NRG1: variants seen among roughly 807,000 people sequenced by gnomAD.
The protein encoded by NRG1 is neuregulin 1.
Under a neutral mutation model 63.8 loss-of-function variants are expected in NRG1, and 18 were observed. The observed-to-expected ratio is 0.28, with a 90% CI of 0.19 to 0.42. The LOEUF (loss-of-function observed/expected upper bound fraction) is 0.42. NRG1 is among the 10% of genes least tolerant of loss of function. The pLI is 1.00. For missense variants in NRG1, 762 were observed against 814.7 expected, an observed-to-expected ratio of 0.94 and a Z score of 0.79; for synonymous variants, 302 against 301.3, an observed-to-expected ratio of 1.00 and a Z score of -0.02.
chr8:31,870,822 A>C (rs1829416080), intron 1 of NRG1, among the ~76,000 whole-genome samples: 1 of 152,100 alleles, frequency 6.6e-6, no homozygotes. Flanking sequence ...TTTCGAATGC[A>C]CCTCATGTGC....
intron 1 of NRG1, among the ~76,000 whole-genome samples, chr8:32,215,814 A>G (rs1360959250): frequency 1.3e-5 from 2 of 152,090 alleles, no homozygotes; most frequent in South Asian, 2.1e-4. Flanking sequence ...GACCAAGGCA[A>G]GAGGATAACT....
chr8:31,806,227 G>A (rs1201489112), intron 1 of NRG1, among the ~76,000 whole-genome samples: 1 of 152,190 alleles, frequency 6.6e-6, no homozygotes, highest in Non-Finnish European at 1.5e-5. Context: ...TAATTGTTCA[G>A]CATCCTAAGT....
intron 1 of NRG1, among the ~76,000 whole-genome samples, chr8:32,122,170 T>G (rs1247988396): frequency 6.6e-6 from 1 of 151,974 alleles, no homozygotes; most frequent in African/African-American, 2.4e-5. Context: ...TTTTCTTAAT[T>G]TCACAAAAAC....
intron 1 of NRG1, among the ~76,000 whole-genome samples, chr8:32,513,244 G>A (rs368372961): frequency 8.0e-5 from 12 of 149,908 alleles, no homozygotes; most frequent in African/African-American, 4.9e-5. Flanking sequence ...CTTTTTAGTC[G>A]TTCTTTTTTA....
intron 1 of NRG1, among the ~76,000 whole-genome samples, chr8:32,343,324 AT>A (rs1294665227): frequency 6.6e-6 from 1 of 152,202 alleles, no homozygotes; most frequent in East Asian, 1.9e-4. Flanking sequence ...CTAGAGAATA[AT>A]ATCATATTTA....
intron 1 of NRG1, among the ~76,000 whole-genome samples, chr8:31,718,779 TC>T (rs1812615476): frequency 6.6e-6 from 1 of 152,164 alleles, no homozygotes; most frequent in Non-Finnish European, 1.5e-5. Context: ...CACAAATATC[TC>T]TAATAAGGAA....
At chr8:31,776,019 T>C (rs974345373) in intron 1 of NRG1, among the ~76,000 whole-genome samples, 1 of 152,174 alleles carries the variant, frequency 6.6e-6, no homozygotes, top group Admixed American at 6.5e-5. Flanking sequence ...TTCTTCATAG[T>C]TTGTTAGGAG....
intron 1 of NRG1, chr8:32,099,606 T>C (rs1261956746): frequency 6.6e-6 from 1 of 152,134 alleles, no homozygotes; most frequent in Non-Finnish European, 1.5e-5. Context: ...GAGGAAAACA[T>C]TTTGGATGGA....
intron 1 of NRG1, among the ~76,000 whole-genome samples, chr8:32,386,158 G>A (rs1011548518): frequency 2.0e-4 from 30 of 152,162 alleles, no homozygotes; most frequent in East Asian, 5.8e-4. Flanking sequence ...CTGGAATGCC[G>A]TGGTGCAGTC....
intron 9 of NRG1, 41 bp downstream of exon 9, chr8:32,756,570 C>T (rs893751203): frequency 9.5e-6 from 15 of 1,580,620 alleles, no homozygotes; most frequent in Non-Finnish European, 1.3e-5. Context: ...GAGCCTCTCT[C>T]CTTTGTTCAG....
At chr8:31,776,489 C>T (rs1311250472) in intron 1 of NRG1, among the ~76,000 whole-genome samples, 2 of 152,104 alleles carry the variant, frequency 1.3e-5, no homozygotes, top group Admixed American at 6.6e-5. Context: ...CCCTCATGCC[C>T]ATGCTCTTGT....
chr8:32,062,777 A>G (rs1223119512), intron 1 of NRG1, among the ~76,000 whole-genome samples: 2 of 152,106 alleles, frequency 1.3e-5, no homozygotes, highest in Non-Finnish European at 2.9e-5. Context: ...CTTAATGCAG[A>G]TATAATTCAT....
chr8:31,841,046 C>T (rs966404553), intron 1 of NRG1, among the ~76,000 whole-genome samples: 1 of 152,134 alleles, frequency 6.6e-6, no homozygotes, highest in African/African-American at 2.4e-5. Context: ...AATTAGAACT[C>T]CTTTTCTCAA....
At chr8:32,567,743 G>A (rs1425361704) in intron 1 of NRG1, among the ~76,000 whole-genome samples, 5 of 152,344 alleles carry the variant, frequency 3.3e-5, no homozygotes, top group African/African-American at 1.2e-4. Flanking sequence ...CAATGAAAGT[G>A]CCTTTGAAGT....
At chr8:31,903,956 CA>C (rs575640192) in intron 1 of NRG1, among the ~76,000 whole-genome samples, 4 of 150,882 alleles carry the variant, frequency 2.7e-5, no homozygotes, top group African/African-American at 7.3e-5. Context: ...TGTCTCAAAA[CA>C]AAAAAAAATT....
At chr8:31,799,755 C>T (rs796117609) in intron 1 of NRG1, among the ~76,000 whole-genome samples, 23 of 152,082 alleles carry the variant, frequency 1.5e-4, no homozygotes, top group African/African-American at 4.6e-4. Flanking sequence ...TGTATATATA[C>T]ACGTATGCAT....
chr8:32,320,948 T>C (rs182658868), intron 1 of NRG1, among the ~76,000 whole-genome samples: 1 of 152,292 alleles, frequency 6.6e-6, no homozygotes, highest in East Asian at 1.9e-4. Context: ...GAAATCAATT[T>C]CCTCCCTAAA....
chr8:32,743,181 T>C, intron 7 of NRG1: 1 of 986,846 alleles, frequency 1.0e-6, no homozygotes, highest in Non-Finnish European at 1.2e-6. Flanking sequence ...AAGTTAATTT[T>C]GATTCAGAAT....
At chr8:32,723,861 T>A (rs969982371) in intron 5 of NRG1, among the ~76,000 whole-genome samples, 1 of 152,028 alleles carries the variant, frequency 6.6e-6, no homozygotes, top group Non-Finnish European at 1.5e-5. Flanking sequence ...TCCTTTTGTG[T>A]GGTAAAGGAT....
Sources: gnomAD v4.1 joint callset for allele counts (sites outside exome capture counted in the v4.1 genomes callset) on GRCh38, gnomAD v4.1.1 for gene constraint, MANE v1.5 for transcripts, NCBI Gene and HGNC (gene_info 2026-07-23, HGNC 2026-07-21) for gene names.